PDE1A: variants seen among roughly 807,000 people sequenced by gnomAD.
PDE1A encodes the protein dual specificity calcium/calmodulin-dependent 3',5'-cyclic nucleotide phosphodiesterase 1A.
In PDE1A, 35 loss-of-function variants were observed where a neutral mutation model predicts 61.7. The ratio of observed to expected loss-of-function variants is 0.57; its 90% confidence interval spans 0.43 to 0.75. The LOEUF is 0.75. Ranked by LOEUF, PDE1A falls within the 30% of genes least tolerant of loss-of-function variation. The pLI is 0.00. For synonymous variants in PDE1A, 232 were observed against 213.2 expected (o/e 1.09, Z -0.77); for missense variants, 597 against 630.6 (o/e 0.95, Z 0.57).
chr2:182,298,439 A>G (rs953457607), intron 1 of PDE1A, among the ~76,000 whole-genome samples: 2 of 152,162 alleles, frequency 1.3e-5, no homozygotes, highest in Admixed American at 6.5e-5. Flanking sequence ...TAAGTCCTAT[A>G]TGGTGAAGTA....
At chr2:182,410,545 A>G (rs1702553227) in intron 1 of PDE1A, among the ~76,000 whole-genome samples, 1 of 152,230 alleles carries the variant, frequency 6.6e-6, no homozygotes, top group South Asian at 2.1e-4. Flanking sequence ...TGTACATATA[A>G]GAATTGTAGT....
the PDE1A span, among the ~76,000 whole-genome samples, chr2:182,532,945 C>CAAAAAAAA: frequency 0.015 from 327 of 21,162 alleles, 82 homozygotes; most frequent in East Asian, 0.044. Context: ...GACTCCGTCT[C>CAAAAAAAA]AAAAAAAAAA....
At chr2:182,513,715 A>T (rs1559531111) in intron 2 of PDE1A, among the ~76,000 whole-genome samples, 1 of 152,242 alleles carries the variant, frequency 6.6e-6, no homozygotes, top group Admixed American at 6.5e-5. Context: ...CTCACATGTG[A>T]TGACAACCAT....
chr2:182,336,749 C>G (rs1238404808), intron 1 of PDE1A, among the ~76,000 whole-genome samples: 3 of 124,944 alleles, frequency 2.4e-5, no homozygotes, highest in Admixed American at 1.9e-4. Flanking sequence ...CACATGTACC[C>G]CAGAACTTAA....
the PDE1A span, among the ~76,000 whole-genome samples, chr2:182,617,489 A>G: frequency 5.9e-5 from 9 of 152,344 alleles, no homozygotes; most frequent in Non-Finnish European, 1.0e-4. Flanking sequence ...CCATGAGAAC[A>G]ACAGCTTTGC....
intron 1 of PDE1A, among the ~76,000 whole-genome samples, chr2:182,408,873 G>C (rs1357979890): frequency 1.3e-5 from 2 of 152,142 alleles, no homozygotes; most frequent in Non-Finnish European, 2.9e-5. Flanking sequence ...GAAGGAAACT[G>C]GGGGATCAGC....
At chr2:182,677,454 T>C in the PDE1A span, among the ~76,000 whole-genome samples, 1 of 152,256 alleles carries the variant, frequency 6.6e-6, no homozygotes, top group South Asian at 2.1e-4. Flanking sequence ...TAAGAAGAAT[T>C]AATATCATTA....
At position 182,323,621 on chromosome 2, in the gene PDE1A, A is replaced by T. The variant is rs549324858; in HGVS notation, c.54-59207T>A. On this transcript the variant is annotated intron_variant, in intron 1 of 13. Coordinates refer to ENST00000351439, the Ensembl canonical transcript of PDE1A. ...TTTGGAAGATTTAAGTGCCTGTCGGAGGAGCGCTGAAAAAATCCATCTTCA... is the reference window on the plus strand; with the variant it reads ...TTTGGAAGATTTAAGTGCCTGTCGGTGGAGCGCTGAAAAAATCCATCTTCA... Among the ~76,000 whole-genome samples the T allele has an allele frequency of 6.6e-5, 10 of 152,330 alleles. No individual in the cohort carries two copies. In the East Asian group the frequency reaches 1.9e-3, roughly 29 times the overall value.
chr2:182,569,039 G>A, the PDE1A span, among the ~76,000 whole-genome samples: 1 of 151,722 alleles, frequency 6.6e-6, no homozygotes, highest in South Asian at 2.1e-4. Context: ...GATCACTTGA[G>A]CTCAGGAGTT....
intron 1 of PDE1A, among the ~76,000 whole-genome samples, chr2:182,371,452 A>T (rs1299935450): frequency 6.6e-6 from 1 of 152,226 alleles, no homozygotes; most frequent in African/African-American, 2.4e-5. Flanking sequence ...AGCTGAGCAA[A>T]GGGAGAAGAT....
At chr2:182,542,768 T>C in the PDE1A span, among the ~76,000 whole-genome samples, 1 of 152,208 alleles carries the variant, frequency 6.6e-6, no homozygotes, top group African/African-American at 2.4e-5. Context: ...TTAAAGCCAA[T>C]TGTCAAGATA....
downstream of PDE1A, among the ~76,000 whole-genome samples, chr2:182,167,449 C>T (rs1194797689): frequency 6.6e-6 from 1 of 152,064 alleles, no homozygotes; most frequent in East Asian, 1.9e-4. Flanking sequence ...ATCCCCACCG[C>T]AAAATGAACA....
At chr2:182,484,958 G>A (rs1559504146) in intron 2 of PDE1A, among the ~76,000 whole-genome samples, 1 of 151,904 alleles carries the variant, frequency 6.6e-6, no homozygotes, top group Non-Finnish European at 1.5e-5. Context: ...ACAGTGTGGC[G>A]ATCCCTCCAA....
At chr2:182,463,270 A>C (rs2125774486) in intron 2 of PDE1A, among the ~76,000 whole-genome samples, 1 of 151,414 alleles carries the variant, frequency 6.6e-6, no homozygotes, top group African/African-American at 2.4e-5. Flanking sequence ...AAAATAAAAT[A>C]ATAAAAATAA....
intron 1 of PDE1A, among the ~76,000 whole-genome samples, chr2:182,345,306 A>G (rs1367340544): frequency 1.3e-5 from 2 of 152,200 alleles, no homozygotes; most frequent in African/African-American, 4.8e-5. Context: ...GTGCTAACCC[A>G]CACACCTTTA....
At chr2:182,352,043 T>A (rs1698911375) in intron 1 of PDE1A, among the ~76,000 whole-genome samples, 1 of 152,238 alleles carries the variant, frequency 6.6e-6, no homozygotes, top group Non-Finnish European at 1.5e-5. Context: ...CAGACCTTCA[T>A]GGGTCTCTTC....
At chr2:182,506,045 C>A (rs151149454) in intron 2 of PDE1A, among the ~76,000 whole-genome samples, 416 of 152,318 alleles carry the variant, frequency 2.7e-3, no homozygotes, top group African/African-American at 9.5e-3. Flanking sequence ...ACCCGTTAAT[C>A]TATATGCTAG....
chr2:182,369,169 A>G (rs1361032647), intron 1 of PDE1A, among the ~76,000 whole-genome samples: 1 of 152,042 alleles, frequency 6.6e-6, no homozygotes, highest in Non-Finnish European at 1.5e-5. Context: ...ATGCCTCTCT[A>G]TTTCTGCATT....
chr2:182,239,460 T>C (rs966450492), intron 3 of PDE1A, among the ~76,000 whole-genome samples: 10 of 152,162 alleles, frequency 6.6e-5, no homozygotes, highest in African/African-American at 2.4e-4. Context: ...TCTTGTTTCC[T>C]AGATGGAAAA....
Sources: gnomAD v4.1 joint callset for allele counts (sites outside exome capture counted in the v4.1 genomes callset) on GRCh38, gnomAD v4.1.1 for gene constraint, MANE v1.5 for transcripts, NCBI Gene and HGNC (gene_info 2026-07-23, HGNC 2026-07-21) for gene names.